Variants in RNASET2 observed in about 807,000 individuals in gnomAD.
RNASET2 encodes ribonuclease 6.
RNASET2 carries 28 observed loss-of-function variants against 33.9 expected under a neutral mutation model. That is an observed-to-expected ratio of 0.83 (90% CI 0.61 to 1.13). The LOEUF is 1.13. RNASET2 is among the 50% of genes most tolerant of loss of function. The pLI is 0.00. For synonymous variants in RNASET2, 123 were observed against 121.0 expected (o/e 1.02, Z -0.11); for missense variants, 330 against 319.9 (o/e 1.03, Z -0.24).
chr6:166,925,360 T>C lies in RNASET2; in HGVS notation c.*4228A>G, dbSNP rs1778289371. On this transcript the variant is annotated 3_prime_UTR_variant, in exon 9 of 9. Transcript: ENST00000508775. ...AGCTCTCACTTCCTCCATCCAGGCATCATTCCTGCCACCCAGGCCTCATCT... is the reference window on the plus strand; with the variant it reads ...AGCTCTCACTTCCTCCATCCAGGCACCATTCCTGCCACCCAGGCCTCATCT... 6.6e-6 allele frequency among the ~76,000 whole-genome samples: 1 copy of C among 151,474 alleles called. No individual in the cohort carries two copies. The highest frequency in any genetic ancestry group is 2.1e-4 in the South Asian group (1 of 4,798).
At chr6:166,955,261 ACACACACACG>A (rs1371894284) in intron 1 of RNASET2, among the ~76,000 whole-genome samples, 6 of 115,064 alleles carry the variant, frequency 5.2e-5, no homozygotes, top group African/African-American at 1.7e-4. Context: ...ACACACGCAC[ACACACACACG>A]CGCACACACG....
At position 166,930,744 on chromosome 6, in the gene RNASET2, A is replaced by T. The variant is rs370246896; in HGVS notation, c.567+300T>A. 1.5e-3 allele frequency among the ~76,000 whole-genome samples: 223 copies of T among 150,644 alleles called. 1 individual carries two copies. The highest frequency in any genetic ancestry group is 5.3e-3 in the African/African-American group (217 of 40,842). On this transcript the variant is annotated intron_variant, in intron 8 of 8. Transcript: ENST00000508775. Reference sequence around the variant, plus strand: ...CACACAGCACATGCCCACATAATGTACACACATGCACACACAGGACATGCA... The same window carrying T: ...CACACAGCACATGCCCACATAATGTTCACACATGCACACACAGGACATGCA...
rs1295470686 is a variant in RNASET2, at chr6:166,933,723, A to AT, written c.492+367dup. ...TGCTTAAATATCTATAGTTTCTTTT[A>AT]TCATAAAACAAATCACAATTTTATC... On this transcript the variant is annotated intron_variant, in intron 7 of 8. Coordinates refer to ENST00000508775, the MANE Select transcript of RNASET2 (RefSeq NM_003730.6). The surrounding 1 kb of genome is among the most constrained non-coding windows in gnomAD (Gnocchi z 4.1). 1.1e-5 allele frequency: 3 copies of AT among 274,390 alleles called. No homozygotes were observed. In the East Asian group the frequency reaches 2.5e-4, roughly 23 times the overall value. 17.0% of individuals were successfully genotyped at this position (274,390 alleles called of 1,614,324 possible).
Position 166,923,640 on chromosome 6 carries a change from A to G in RNASET2, c.*5948T>C, listed in dbSNP as rs1234406426. Among the ~76,000 whole-genome samples the G allele has an allele frequency of 8.1e-6, 1 of 123,438 alleles. No homozygotes were observed. The highest frequency in any genetic ancestry group is 2.4e-4 in the East Asian group (1 of 4,250). The allele number at this position is 123,438 out of a possible 152,430, so 81.0% of individuals were successfully genotyped here. On this transcript the variant is annotated 3_prime_UTR_variant, in exon 9 of 9. Coordinates refer to ENST00000508775, the MANE Select transcript of RNASET2 (RefSeq NM_003730.6). Reference sequence around the variant, plus strand: ...AAAAAAAAAATAGAATTCTTATCAGAAAAAAAATGACATAAAACTGCATTT... The same window carrying G: ...AAAAAAAAAATAGAATTCTTATCAGGAAAAAAATGACATAAAACTGCATTT...
At position 166,933,574 on chromosome 6, in the gene RNASET2, A is replaced by T. The variant is rs1583216397; in HGVS notation, c.492+517T>A. 1 of 169,210 alleles carries T rather than the reference A, an allele frequency of 5.9e-6. No individual in the cohort carries two copies. Among genetic ancestry groups the T allele is most frequent in the Admixed American group, 5.9e-5 (1 of 17,038 alleles). 10.5% of individuals were successfully genotyped at this position (169,210 alleles called of 1,614,324 possible). On this transcript the variant is annotated intron_variant, in intron 7 of 8. Transcript: ENST00000508775. This position sits in a 1 kb window ranked among gnomAD's most constrained non-coding sequence, Gnocchi z 4.1. ...CTCTGCTGCCCAGGCTGGTCTCGAA[A>T]TTCTAGCCACAAGCAATCCTCCAGC...
rs935756395 is a variant in RNASET2, at chr6:166,924,137, T to C, written c.*5451A>G. Among the ~76,000 whole-genome samples the C allele has an allele frequency of 1.3e-5, 2 of 152,158 alleles. No homozygotes were observed. The highest frequency in any genetic ancestry group is 1.5e-5 in the Non-Finnish European group (1 of 68,018). On this transcript the variant is annotated 3_prime_UTR_variant, in exon 9 of 9. Transcript: ENST00000508775. ...TTTGAAACGGAGTCTTGCTCTGTCA[T>C]CCAGACTGGAGTGCAATGGTGTGAT... is the stretch of plus-strand genomic sequence containing the variant.
chr6:166,948,063 T>A (rs1391302094), intron 3 of RNASET2, among the ~76,000 whole-genome samples: 1 of 152,130 alleles, frequency 6.6e-6, no homozygotes, highest in Admixed American at 6.5e-5. Context: ...AAAGTGTTAT[T>A]GGCTGGGCAC....
At chr6:166,955,300 G>A (rs796506103) in intron 1 of RNASET2, among the ~76,000 whole-genome samples, 62 of 53,156 alleles carry the variant, frequency 1.2e-3, no homozygotes, top group African/African-American at 6.1e-3. Context: ...GCACAGACGC[G>A]CACACACGAC....
intron 4 of RNASET2, among the ~76,000 whole-genome samples, chr6:166,945,702 T>A (rs1315787491): frequency 6.6e-6 from 1 of 151,768 alleles, no homozygotes; most frequent in African/African-American, 2.4e-5. Flanking sequence ...TGGTGGCGCA[T>A]GCCTGTAATC....
chr6:166,944,030 G>A (rs1424568256), intron 4 of RNASET2: 1 of 180,092 alleles, frequency 5.6e-6, no homozygotes, highest in African/African-American at 2.4e-5. Flanking sequence ...TGAGGCAGGA[G>A]AATCGCTTGA....
In RNASET2 at chr6:166,955,162, A is replaced by G. The variant is rs1033109644; in HGVS notation, c.86+935T>C. 3.5e-5 allele frequency among the ~76,000 whole-genome samples: 5 copies of G among 143,238 alleles called. No individual in the cohort carries two copies. The Admixed American group carries it at 3.6e-4, about 10-fold the overall frequency. 94.0% of individuals were successfully genotyped at this position (143,238 alleles called of 152,430 possible). The stretch of plus-strand genomic sequence containing the variant: ...AGCACCGCCTGTTTACCCCTAATTA[A>G]TTTGGGCGGCTGCCACACACACACA... On this transcript the variant is annotated intron_variant, in intron 1 of 8. Transcript: ENST00000508775.
intron 2 of RNASET2, among the ~76,000 whole-genome samples, chr6:166,951,931 C>T (rs768847864): frequency 1.3e-5 from 2 of 152,136 alleles, no homozygotes; most frequent in Non-Finnish European, 2.9e-5. Context: ...CCTGTCCTAA[C>T]CCCTCCTCCC....
rs1778258627 is a variant in RNASET2, at chr6:166,923,228, C to CTTTGTTTTTTTTT, written c.*6359_*6360insAAAAAAAAACAAA. 9.7e-6 allele frequency among the ~76,000 whole-genome samples: 1 copy of CTTTGTTTTTTTTT among 102,672 alleles called. No individual in the cohort carries two copies. Among genetic ancestry groups the CTTTGTTTTTTTTT allele is most frequent in the Non-Finnish European group, 1.8e-5 (1 of 54,584 alleles). The allele number at this position is 102,672 out of a possible 152,430, so 67.4% of individuals were successfully genotyped here. On this transcript the variant is annotated 3_prime_UTR_variant, in exon 9 of 9. Coordinates refer to ENST00000508775, the MANE Select transcript of RNASET2 (RefSeq NM_003730.6). ...ACAGGCGTGAGCCACCAGGCCCGGC[C>CTTTGTTTTTTTTT]TTTTTTTTTTTTTTTTTTTTTGAGA...
chr6:166,956,056 C>T (rs2128648724), intron 1 of RNASET2, 41 bp downstream of exon 1: 1 of 1,533,210 alleles, frequency 6.5e-7, no homozygotes, highest in Non-Finnish European at 8.8e-7. Flanking sequence ...CTCTAGGGCC[C>T]GGCTCCCACG....
intron 2 of RNASET2, among the ~76,000 whole-genome samples, chr6:166,950,284 C>A (rs1053647665): frequency 6.6e-6 from 1 of 152,198 alleles, no homozygotes; most frequent in African/African-American, 2.4e-5. Context: ...ACACTCCCAA[C>A]AATTGAAAGT....
rs141246788 is a variant in RNASET2, at chr6:166,938,715, G to C, written c.446+180C>G. The C allele has an allele frequency of 1.2e-4, 95 of 771,058 alleles. No individual in the cohort carries two copies. In the East Asian group the frequency reaches 2.1e-3, roughly 17 times the overall value. The allele number at this position is 771,058 out of a possible 1,614,324, so 47.8% of individuals were successfully genotyped here. On this transcript the variant is annotated intron_variant, in intron 6 of 8. Transcript: ENST00000508775. Reference sequence around the variant, plus strand: ...GTGTGATCGTGATGTAGAATGATCTGGAAAGGCTTGGTAGGCTCAGAACAT... The same window carrying C: ...GTGTGATCGTGATGTAGAATGATCTCGAAAGGCTTGGTAGGCTCAGAACAT...
rs1350269165 is a variant in RNASET2, at chr6:166,927,525, A to G, written c.*2063T>C. Among the ~76,000 whole-genome samples the G allele has an allele frequency of 6.9e-6, 1 of 145,924 alleles. No individual in the cohort carries two copies. Among genetic ancestry groups the G allele is most frequent in the Non-Finnish European group, 1.5e-5 (1 of 67,450 alleles). ...AATAAATACACGCTACTTAAAAAAA[A>G]GAATGGCTTCTTTAAAAACCGCAAA... On this transcript the variant is annotated 3_prime_UTR_variant, in exon 9 of 9. Transcript: ENST00000508775.
chr6:166,955,257 GCACACACACAC>G (rs1779099524), intron 1 of RNASET2, among the ~76,000 whole-genome samples: 1 of 92,046 alleles, frequency 1.1e-5, no homozygotes, highest in African/African-American at 5.4e-5. Flanking sequence ...ACGCACACAC[GCACACACACAC>G]ACGCGCACAC....
Position 166,927,465 on chromosome 6 carries a change from C to T in RNASET2, c.*2123G>A, listed in dbSNP as rs966856413. The stretch of plus-strand genomic sequence containing the variant: ...TCCCACCAGGATGCTACCTTGTTGG[C>T]GTCCCCATCCGCTCTCAAATGCTCA... On this transcript the variant is annotated 3_prime_UTR_variant, in exon 9 of 9. Coordinates refer to ENST00000508775, the MANE Select transcript of RNASET2 (RefSeq NM_003730.6). Among the ~76,000 whole-genome samples the T allele has an allele frequency of 1.3e-5, 2 of 152,010 alleles. No homozygotes were observed. The highest frequency in any genetic ancestry group is 2.9e-5 in the Non-Finnish European group (2 of 68,024).
Sources: allele counts gnomAD v4.1 joint callset (sites outside exome capture counted in the v4.1 genomes callset), GRCh38; gene constraint gnomAD v4.1.1; non-coding constraint Gnocchi (gnomAD v3.1); transcripts MANE v1.5; gene names NCBI Gene and HGNC (gene_info 2026-07-23, HGNC 2026-07-21).